NLGN1: variants seen among roughly 807,000 people sequenced by gnomAD.
NLGN1 encodes the protein neuroligin 1.
Under a neutral mutation model 65.5 loss-of-function variants are expected in NLGN1, and 12 were observed. That is an observed-to-expected ratio of 0.18 (90% CI 0.12 to 0.30). The LOEUF is 0.30. Ranked by LOEUF, NLGN1 falls within the 10% of genes least tolerant of loss-of-function variation. NLGN1 has a pLI of 1.00. For missense variants in NLGN1, 750 were observed against 1,007.1 expected (o/e 0.74, Z 3.46); for synonymous variants, 350 against 359.5 (o/e 0.97, Z 0.30).
At position 173,491,761 on chromosome 3, in the gene NLGN1, G is replaced by A. The variant is rs146143455; in HGVS notation, c.-321+56683G>A. 2.8e-4 allele frequency among the ~76,000 whole-genome samples: 42 copies of A among 151,636 alleles called. 1 individual carries two copies. Among genetic ancestry groups the A allele is most frequent in the African/African-American group, 8.8e-4 (36 of 41,102 alleles). ...GGATGGTTCTTATTTTCCTTGATAC[G>A]TCAAAATCTCCTAAACTGAGCATTA... On this transcript the variant is annotated intron_variant, in intron 2 of 6. Transcript: ENST00000457714.
intron 4 of NLGN1, among the ~76,000 whole-genome samples, chr3:174,069,495 A>G (rs1739368672): frequency 6.6e-6 from 1 of 152,198 alleles, no homozygotes; most frequent in South Asian, 2.1e-4. Flanking sequence ...CCTAGGGACA[A>G]TTTTCAAAAG....
chr3:174,058,078 G>T (rs1304845305), intron 4 of NLGN1, among the ~76,000 whole-genome samples: 5 of 152,102 alleles, frequency 3.3e-5, no homozygotes, highest in African/African-American at 1.2e-4. Context: ...TAACAATTCA[G>T]ATGGCAAGTG....
intron 4 of NLGN1, among the ~76,000 whole-genome samples, chr3:174,253,197 A>T (rs1023339214): frequency 1.1e-4 from 17 of 152,180 alleles, no homozygotes; most frequent in African/African-American, 4.1e-4. Context: ...AAAGAAAAAA[A>T]AATGAATTCT....
intron 4 of NLGN1, among the ~76,000 whole-genome samples, chr3:173,844,506 A>G (rs1725378465): frequency 6.6e-6 from 1 of 152,208 alleles, no homozygotes; most frequent in Admixed American, 6.5e-5. Flanking sequence ...AAGGGAATGC[A>G]TAATTAATAG....
At chr3:174,232,892 T>G (rs917816830) in intron 4 of NLGN1, among the ~76,000 whole-genome samples, 3 of 152,232 alleles carry the variant, frequency 2.0e-5, no homozygotes, top group Admixed American at 2.0e-4. Context: ...TCTCTACAAA[T>G]GCAAATTTCC....
chr3:173,934,579 T>C (rs1422038016), intron 4 of NLGN1, among the ~76,000 whole-genome samples: 3 of 151,990 alleles, frequency 2.0e-5, no homozygotes, highest in Non-Finnish European at 1.5e-5. Flanking sequence ...TTCTTAGCTT[T>C]CTGGCCTTTT....
upstream of NLGN1, chr3:173,397,813 C>G (rs1577266828): frequency 6.6e-6 from 1 of 151,980 alleles, no homozygotes; most frequent in African/African-American, 2.4e-5. Context: ...GCCGAGCGCG[C>G]GGAGCTGGCG....
chr3:173,751,761 T>C (rs1467057948), intron 3 of NLGN1, among the ~76,000 whole-genome samples: 1 of 151,922 alleles, frequency 6.6e-6, no homozygotes, highest in Admixed American at 6.6e-5. Context: ...AATATAGTAA[T>C]AGCTACTAAG....
In NLGN1 at chr3:173,448,545, A is replaced by T. The variant is rs1222656385; in HGVS notation, c.-321+13467A>T. On this transcript the variant is annotated intron_variant, in intron 2 of 6. Coordinates refer to ENST00000457714, the Ensembl canonical transcript of NLGN1. ...TCTCTTTTTTGGTTGTGTCTCTGCC[A>T]GGCTTTGGTATCAGGATGATGCTGG... 4.6e-5 allele frequency among the ~76,000 whole-genome samples: 7 copies of T among 152,296 alleles called. No homozygotes were observed. The South Asian group carries it at 1.0e-3, about 23-fold the overall frequency.
intron 4 of NLGN1, among the ~76,000 whole-genome samples, chr3:173,969,600 C>G (rs570581806): frequency 2.0e-5 from 3 of 152,170 alleles, no homozygotes; most frequent in African/African-American, 7.2e-5. Flanking sequence ...ATATCCTTGA[C>G]TTACGTGAGC....
At chr3:174,157,178 G>T (rs7627473) in intron 4 of NLGN1, among the ~76,000 whole-genome samples, 53,322 of 151,346 alleles carry the variant, frequency 0.35, 12,000 homozygotes, top group East Asian at 0.66. Flanking sequence ...GCAAAGCCAA[G>T]TTGACCAAAG....
chr3:173,969,412 GAA>G (rs1715668000), intron 4 of NLGN1, among the ~76,000 whole-genome samples: 1 of 151,934 alleles, frequency 6.6e-6, no homozygotes, highest in Admixed American at 6.6e-5. Context: ...ATAGGAAAAA[GAA>G]AAATTATTTT....
intron 4 of NLGN1, among the ~76,000 whole-genome samples, chr3:174,119,968 T>C (rs922437076): frequency 2.0e-5 from 3 of 152,244 alleles, no homozygotes; most frequent in African/African-American, 7.2e-5. Flanking sequence ...TAGCTATATT[T>C]TATTAAATAC....
At chr3:174,211,966 C>T (rs568837846) in intron 4 of NLGN1, among the ~76,000 whole-genome samples, 10 of 152,318 alleles carry the variant, frequency 6.6e-5, no homozygotes, top group South Asian at 2.1e-4. Context: ...CCGCGCCATG[C>T]GCTCGTACTC....
At chr3:173,505,878 T>A (rs1443299778) in intron 2 of NLGN1, among the ~76,000 whole-genome samples, 1 of 152,116 alleles carries the variant, frequency 6.6e-6, no homozygotes, top group African/African-American at 2.4e-5. Flanking sequence ...TGTATATTGT[T>A]CATTGCTGTA....
chr3:174,224,613 C>T (rs1310833278), intron 4 of NLGN1, among the ~76,000 whole-genome samples: 1 of 152,098 alleles, frequency 6.6e-6, no homozygotes, highest in Non-Finnish European at 1.5e-5. Context: ...GCAGGAGAAT[C>T]GCTTGAACCC....
At chr3:174,270,121 CTTTCTT>C (rs556280973) in intron 4 of NLGN1, among the ~76,000 whole-genome samples, 1,164 of 91,806 alleles carry the variant, frequency 0.013, 11 homozygotes, top group Non-Finnish European at 0.018. Context: ...TGTTGGTTTC[CTTTCTT>C]TTTTTTTTTT....
intron 4 of NLGN1, among the ~76,000 whole-genome samples, chr3:173,876,899 T>C (rs559182078): frequency 1.3e-5 from 2 of 152,216 alleles, no homozygotes; most frequent in African/African-American, 2.4e-5. Context: ...TACCAAGGAA[T>C]TGCAAAGAAT....
chr3:173,509,654 T>C (rs1732605275), intron 2 of NLGN1, among the ~76,000 whole-genome samples: 1 of 152,168 alleles, frequency 6.6e-6, no homozygotes, highest in African/African-American at 2.4e-5. Flanking sequence ...ATAGTATTTC[T>C]ATATTCATGG....
Sources: allele counts gnomAD v4.1 joint callset (sites outside exome capture counted in the v4.1 genomes callset), GRCh38; gene constraint gnomAD v4.1.1; transcripts MANE v1.5; gene names NCBI Gene and HGNC (gene_info 2026-07-23, HGNC 2026-07-21).